The following MELTF variants were observed in gnomAD, a reference collection of about 807,000 sequenced individuals.
The protein encoded by MELTF is antigen p97 (melanoma associated) identified by monoclonal antibodies 133.2 and 96.5.
MELTF carries 67 observed loss-of-function variants against 83.7 expected under a neutral mutation model. The ratio of observed to expected loss-of-function variants is 0.80; its 90% confidence interval spans 0.66 to 0.98. The LOEUF (loss-of-function observed/expected upper bound fraction) is 0.98, where lower values mean the gene tolerates loss of function less well. Among genes scored for constraint, MELTF ranks in the 50% least tolerant of loss-of-function variants. The pLI, the probability that MELTF is intolerant of heterozygous loss-of-function variation, is 0.00. For synonymous variants in MELTF, 462 were observed against 447.6 expected, an observed-to-expected ratio of 1.03 and a Z score of -0.41; for missense variants, 1,002 against 1,035.6, an observed-to-expected ratio of 0.97 and a Z score of 0.44.
chr3:197,027,664 G>T, intron 2 of MELTF, 92 bp downstream of exon 2: 1 of 1,433,688 alleles, frequency 7.0e-7, no homozygotes, highest in Non-Finnish European at 9.4e-7. Context: ...GGCAGGGCGA[G>T]GTCGGCTCCT....
At chr3:197,023,493 A>C (rs73893754) in intron 4 of MELTF, among the ~76,000 whole-genome samples, 2,238 of 152,336 alleles carry the variant, frequency 0.015, 66 homozygotes, top group African/African-American at 0.051. Flanking sequence ...ACTGATGGGT[A>C]GACAACCCTT....
intron 6 of MELTF, among the ~76,000 whole-genome samples, chr3:197,017,854 G>A (rs935870300): frequency 6.6e-6 from 1 of 152,178 alleles, no homozygotes; most frequent in Non-Finnish European, 1.5e-5. Context: ...TCCAGCCTGG[G>A]CGACAGAGCG....
rs375460256 is a variant in MELTF at position 197,008,632 on chromosome 3, T to C, written c.1750+25A>G. 6.2e-7 allele frequency: 1 copy of C among 1,610,006 alleles called. No individual in the cohort carries two copies. The highest frequency in any genetic ancestry group is 8.5e-7 in the Non-Finnish European group (1 of 1,177,614). On this transcript the variant is annotated intron_variant, in intron 13 of 15. Transcript: ENST00000296350. The surrounding 1 kb of genome is among the most constrained non-coding windows in gnomAD (Gnocchi z 5.4). ...GGGAACAGTCCCCCCGACCTACCTT[T>C]GGCCCTGCTCTTGCCCCCACCTACC... is the stretch of plus-strand genomic sequence containing the variant.
Position 197,024,376 on chromosome 3 carries a change from C to T in MELTF, c.414G>A (p.Val138=). The T allele has an allele frequency of 6.2e-7, 1 of 1,609,698 alleles. No homozygotes were observed. Among genetic ancestry groups the T allele is most frequent in the Non-Finnish European group, 8.5e-7 (1 of 1,177,714 alleles). ...GGTAGCCCACGGGCACGTTCCAGCC[C>T]ACTGTGCGATTGATGCCCGTGTGGC... The part of the protein sequence containing the change: ...KSCHTGINRT[V]GWNVPVGYLV... The change falls in exon 4 of 16, where the codon GTG becomes GTA. Residue 138 remains valine, a synonymous_variant. Transcript: ENST00000296350. The surrounding 1 kb of genome is among the most constrained non-coding windows in gnomAD (Gnocchi z 5.3).
In MELTF at chr3:197,017,128, A is replaced by T; in HGVS notation, c.875T>A (p.Ile292Asn). The T allele has an allele frequency of 6.2e-7, 1 of 1,612,480 alleles. No individual in the cohort carries two copies. Among genetic ancestry groups the T allele is most frequent in the South Asian group, 1.1e-5 (1 of 90,460 alleles). ...VVRADTDGGL[I>N]FRLLNEGQRL... ...CTGGCCTTCGTTGAGCAGCCGGAAG[A>T]TGAGGCCCCCATCTGTGTCGGCCCG... Residue 292 changes from isoleucine to asparagine, a missense_variant, in exon 7 of 16, where the codon ATC (isoleucine) becomes AAC (asparagine). Physicochemically the swap from Ile to Asn is moderately radical, Grantham distance 149. Coordinates refer to ENST00000296350, the MANE Select transcript of MELTF (RefSeq NM_005929.6).
chr3:197,012,719 T>A (rs956749592), intron 9 of MELTF, among the ~76,000 whole-genome samples: 6 of 152,260 alleles, frequency 3.9e-5, no homozygotes, highest in African/African-American at 1.2e-4. Context: ...CCCCTCTGCA[T>A]CTGGCGTTAG....
rs189569004 is a variant in MELTF at position 197,002,820 on chromosome 3, C to G, written c.*552G>C. ...GCACGGGCGGTCGGAGGAACTGGAG[C>G]CCCCACCCCGGACACGGTCCCGCGG... On this transcript the variant is annotated 3_prime_UTR_variant, in exon 16 of 16. Coordinates refer to ENST00000296350, the MANE Select transcript of MELTF (RefSeq NM_005929.6). 2.0e-5 allele frequency: 3 copies of G among 152,292 alleles called. No homozygotes were observed. Among genetic ancestry groups the G allele is most frequent in the South Asian group, 2.1e-4 (1 of 4,832 alleles). The allele number at this position is 152,292 out of a possible 1,614,324, so 9.4% of individuals were successfully genotyped here. A position where few individuals can be genotyped will look rare whatever the true frequency, so the allele number is the denominator to read the frequency against.
intron 4 of MELTF, chr3:197,023,975 C>T: frequency 1.8e-6 from 1 of 565,626 alleles, no homozygotes; most frequent in Non-Finnish European, 3.4e-6. Flanking sequence ...GTGACCTGCG[C>T]CCGGTCTATA....
At position 197,007,329 on chromosome 3, in the gene MELTF, C is replaced by T. The variant is rs1052800812; in HGVS notation, c.1751-593G>A. Among the ~76,000 whole-genome samples, 13 of 152,220 alleles carry T rather than the reference C, an allele frequency of 8.5e-5. No individual in the cohort carries two copies. The highest frequency in any genetic ancestry group is 2.4e-4 in the African/African-American group (10 of 41,444). On this transcript the variant is annotated intron_variant, in intron 13 of 15. Transcript: ENST00000296350. The surrounding 1 kb of genome is among the most constrained non-coding windows in gnomAD (Gnocchi z 4.3). Reference sequence around the variant, plus strand: ...TCCCACTGATTCTAAAGCAGGCGGTCTCGGGCTGCCTGAGAAAATGCTGCC... The same window carrying T: ...TCCCACTGATTCTAAAGCAGGCGGTTTCGGGCTGCCTGAGAAAATGCTGCC...
chr3:197,027,820 C>A lies in MELTF; in HGVS notation c.140G>T (p.Gly47Val). The change falls in exon 2 of 16, where the codon GGC (glycine) becomes GTC (valine). Residue 47 changes from glycine to valine, a missense_variant. Transcript: ENST00000296350. ...GNMSEAFREA[G>V]IQPSLLCVRG... ...GACGCAGAGGAGGGAGGGCTGGATG[C>A]CCGCTTCCCGGAAGGCCTCGCTCAT... 6.2e-7 allele frequency: 1 copy of A among 1,610,892 alleles called. No individual in the cohort carries two copies. Among genetic ancestry groups the A allele is most frequent in the Non-Finnish European group, 8.5e-7 (1 of 1,179,090 alleles).
At position 197,022,838 on chromosome 3, in the gene MELTF, C is replaced by T. The variant is rs118125446; in HGVS notation, c.644+119G>A. 4.7e-4 allele frequency: 450 copies of T among 965,330 alleles called. 1 individual carries two copies. The East Asian group carries it at 8.2e-3, about 18-fold the overall frequency. The allele number at this position is 965,330 out of a possible 1,614,324, so 59.8% of individuals were successfully genotyped here. ...CTATATAAAGGGTGCTTTGATGAGA[C>T]GCAGCCAACATGCCACTTCCCCCTC... On this transcript the variant is annotated intron_variant, in intron 5 of 15. Coordinates refer to ENST00000296350, the MANE Select transcript of MELTF (RefSeq NM_005929.6). The surrounding 1 kb of genome is among the most constrained non-coding windows in gnomAD (Gnocchi z 5.1).
At position 197,003,875 on chromosome 3, in the gene MELTF, G is replaced by T; in HGVS notation, c.2137+26C>A. On this transcript the variant is annotated intron_variant, in intron 15 of 15. Coordinates refer to ENST00000296350, the MANE Select transcript of MELTF (RefSeq NM_005929.6). The surrounding 1 kb of genome is among the most constrained non-coding windows in gnomAD (Gnocchi z 6.2). ...TGAAGGGGTCTGAATAGCACCAGGG[G>T]AGGCGGCAGGGCGGGCCTGTCCTAC... 6.2e-7 allele frequency: 1 copy of T among 1,609,002 alleles called. No homozygotes were observed. Among genetic ancestry groups the T allele is most frequent in the Non-Finnish European group, 8.5e-7 (1 of 1,177,846 alleles).
rs141985336 is a variant in MELTF at position 197,008,936 on chromosome 3, C to T, written c.1555G>A (p.Val519Met). 25 of 1,613,862 alleles carry T rather than the reference C, an allele frequency of 1.5e-5. No homozygotes were observed. Among genetic ancestry groups the T allele is most frequent in the Non-Finnish European group, 2.1e-5 (25 of 1,179,940 alleles). ...TAGTTCTTGGGGTTGTTCACGGGCA[C>T]GCAGCTGGCATTGAAGAACTCGCTC... is the stretch of plus-strand genomic sequence containing the variant. ...AVSEFFNASC[V>M]PVNNPKNYPS... is the part of the protein sequence containing the mutation. The change falls in exon 12 of 16, where the codon GTG (valine) becomes ATG (methionine). Residue 519 changes from valine to methionine, a missense_variant. Val to Met is a conservative substitution (Grantham distance 21). Transcript: ENST00000296350. The surrounding 1 kb of genome is among the most constrained non-coding windows in gnomAD (Gnocchi z 5.4).
At chr3:197,026,406 G>C (rs1176389651) in intron 3 of MELTF, 1 of 502,434 alleles carries the variant, frequency 2.0e-6, no homozygotes, top group Non-Finnish European at 3.6e-6. Context: ...CCCGCAGTAA[G>C]AGCTGAGTGG....
chr3:197,008,518 T>C lies in MELTF; in HGVS notation c.1750+139A>G. 1.1e-6 allele frequency: 1 copy of C among 938,910 alleles called. No individual in the cohort carries two copies. The allele number at this position is 938,910 out of a possible 1,614,324, so 58.2% of individuals were successfully genotyped here. On this transcript the variant is annotated intron_variant, in intron 13 of 15. Transcript: ENST00000296350. This position sits in a 1 kb window ranked among gnomAD's most constrained non-coding sequence, Gnocchi z 5.4. ...CCCTGTGACCCTTGGGGCTCCCAGC[T>C]TCCCAGGGGGCACAGCCTTCTAGAC...
chr3:197,009,983 C>A (rs531681868), intron 10 of MELTF, among the ~76,000 whole-genome samples, 171 bp from the exon 11 acceptor site: 11 of 152,366 alleles, frequency 7.2e-5, no homozygotes, highest in African/African-American at 1.9e-4. Context: ...CCAGCGGGGG[C>A]CCCTGCCTGC....
chr3:197,005,891 GAGCAGACCAC>G, intron 14 of MELTF, among the ~76,000 whole-genome samples: 1 of 92,164 alleles, frequency 1.1e-5, no homozygotes, highest in African/African-American at 5.4e-5. Flanking sequence ...GTTAACTCCA[GAGCAGACCAC>G]TCTTTGGAGG....
At chr3:197,012,585 C>A (rs1719228493) in intron 9 of MELTF, among the ~76,000 whole-genome samples, 1 of 152,276 alleles carries the variant, frequency 6.6e-6, no homozygotes, top group African/African-American at 2.4e-5. Context: ...GCAGGCCCCA[C>A]CTACTTGCTC....
rs374495193 is a variant in MELTF, at chr3:197,017,134, C to A, written c.869G>T (p.Gly290Val). The A allele has an allele frequency of 5.3e-5, 86 of 1,612,244 alleles. 1 individual carries two copies. Among genetic ancestry groups the A allele is most frequent in the African/African-American group, 2.0e-4 (15 of 74,924 alleles). ...TTCGTTGAGCAGCCGGAAGATGAGG[C>A]CCCCATCTGTGTCGGCCCGGACCAC... ...AVVVRADTDG[G>V]LIFRLLNEGQ... is the part of the protein sequence containing the mutation. The change falls in exon 7 of 16, where the codon GGC becomes GTC. Residue 290 changes from glycine to valine, a missense_variant. Transcript: ENST00000296350.
Sources: gnomAD v4.1 joint callset for allele counts (sites outside exome capture counted in the v4.1 genomes callset) on GRCh38, gnomAD v4.1.1 for gene constraint, Gnocchi (gnomAD v3.1) non-coding constraint, MANE v1.5 for transcripts, NCBI Gene and HGNC (gene_info 2026-07-23, HGNC 2026-07-21) for gene names.